PDE4B: variants seen among roughly 807,000 people sequenced by gnomAD.
The protein encoded by PDE4B is phosphodiesterase 4B.
A neutral mutation model predicts 82.2 loss-of-function variants in PDE4B; 20 were observed. The ratio of observed to expected loss-of-function variants is 0.24; its 90% CI spans 0.17 to 0.35. The LOEUF is 0.35. Among genes scored for constraint, PDE4B ranks in the 10% least tolerant of loss-of-function variants. The pLI, the probability that PDE4B is intolerant of heterozygous loss-of-function variation, is 1.00. For synonymous variants in PDE4B, 320 were observed against 318.9 expected, an observed-to-expected ratio of 1.00 and a Z score of -0.04; for missense variants, 655 against 907.2, an observed-to-expected ratio of 0.72 and a Z score of 3.57.
chr1:66,045,584 C>G (rs1398937108), intron 3 of PDE4B, among the ~76,000 whole-genome samples: 3 of 151,630 alleles, frequency 2.0e-5, no homozygotes, highest in Non-Finnish European at 4.4e-5. Flanking sequence ...GATGAAGTGT[C>G]TATTATATGG....
At chr1:66,245,233 G>A (rs530089472) in intron 3 of PDE4B, among the ~76,000 whole-genome samples, 1 of 152,100 alleles carries the variant, frequency 6.6e-6, no homozygotes, top group Non-Finnish European at 1.5e-5. Flanking sequence ...GGAGGGCCTG[G>A]GGCAGTGGAT....
chr1:65,793,413 C>G (rs2101139995), intron 1 of PDE4B, among the ~76,000 whole-genome samples, 165 bp downstream of exon 1: 1 of 152,328 alleles, frequency 6.6e-6, no homozygotes, highest in South Asian at 2.1e-4. Flanking sequence ...TCATTGTCGC[C>G]CCTTGTAGGA....
intron 3 of PDE4B, chr1:65,993,240 C>A: frequency 1.1e-6 from 1 of 879,088 alleles, no homozygotes; most frequent in Non-Finnish European, 1.7e-6. Flanking sequence ...GAGTTTTGTT[C>A]CTAAAACATA....
At chr1:66,001,579 A>G (rs976783642) in intron 3 of PDE4B, among the ~76,000 whole-genome samples, 1 of 152,112 alleles carries the variant, frequency 6.6e-6, no homozygotes, top group Non-Finnish European at 1.5e-5. Context: ...TTGGATTTCC[A>G]GTCTTTTGGC....
At chr1:65,851,891 G>T (rs1032724698) in intron 1 of PDE4B, among the ~76,000 whole-genome samples, 1 of 151,960 alleles carries the variant, frequency 6.6e-6, no homozygotes, top group African/African-American at 2.4e-5. Flanking sequence ...TGTTAGAAGA[G>T]TTTTTGATAG....
At chr1:66,199,602 C>T (rs567792533) in intron 3 of PDE4B, among the ~76,000 whole-genome samples, 30 of 152,116 alleles carry the variant, frequency 2.0e-4, no homozygotes, top group African/African-American at 6.0e-4. Context: ...CATTTTGACA[C>T]GATCCCTTTT....
At chr1:65,999,838 T>C (rs1330684801) in intron 3 of PDE4B, among the ~76,000 whole-genome samples, 1 of 152,182 alleles carries the variant, frequency 6.6e-6, no homozygotes, top group Non-Finnish European at 1.5e-5. Flanking sequence ...CTGCTCTTTA[T>C]TCTATGAGCA....
At chr1:66,287,017 C>T (rs1656724666) in intron 7 of PDE4B, among the ~76,000 whole-genome samples, 1 of 152,080 alleles carries the variant, frequency 6.6e-6, no homozygotes, top group Admixed American at 6.6e-5. Flanking sequence ...TTCAAAATGC[C>T]ATTATTAGAC....
At chr1:66,029,068 A>C (rs997041664) in intron 3 of PDE4B, among the ~76,000 whole-genome samples, 3 of 152,206 alleles carry the variant, frequency 2.0e-5, no homozygotes, top group African/African-American at 7.2e-5. Flanking sequence ...CTGCTTATAA[A>C]GACATAACCA....
chr1:65,821,282 C>G (rs1311512965), intron 1 of PDE4B, among the ~76,000 whole-genome samples: 1 of 152,216 alleles, frequency 6.6e-6, no homozygotes. Flanking sequence ...ATTGCCATAG[C>G]AACAGTTATC....
At chr1:66,017,612 A>C (rs932872003) in intron 3 of PDE4B, among the ~76,000 whole-genome samples, 1 of 152,156 alleles carries the variant, frequency 6.6e-6, no homozygotes, top group Non-Finnish European at 1.5e-5. Flanking sequence ...TGTTTCCCAC[A>C]TGTCTACAGA....
At chr1:66,054,968 AGTG>A (rs1655222294) in intron 3 of PDE4B, among the ~76,000 whole-genome samples, 1 of 152,198 alleles carries the variant, frequency 6.6e-6, no homozygotes, top group Non-Finnish European at 1.5e-5. Flanking sequence ...AGTGTAAACT[AGTG>A]TTGTCATGGA....
chr1:66,221,080 C>CT (rs111863941), intron 3 of PDE4B, among the ~76,000 whole-genome samples: 3 of 152,058 alleles, frequency 2.0e-5, no homozygotes, highest in African/African-American at 7.2e-5. Flanking sequence ...TTGGGAGCAC[C>CT]TACAATCATT....
chr1:66,229,211 G>A (rs888534893), intron 3 of PDE4B, among the ~76,000 whole-genome samples: 27 of 151,454 alleles, frequency 1.8e-4, no homozygotes, highest in African/African-American at 5.3e-4. Context: ...GGGTTTCACC[G>A]TGTTAGCCAG....
intron 3 of PDE4B, among the ~76,000 whole-genome samples, chr1:66,043,087 A>G (rs1467210201): frequency 6.6e-6 from 1 of 151,720 alleles, no homozygotes; most frequent in Non-Finnish European, 1.5e-5. Flanking sequence ...TTAAGGAAAA[A>G]GGGGACAGAT....
intron 1 of PDE4B, among the ~76,000 whole-genome samples, chr1:65,876,228 C>T (rs1646641969): frequency 6.6e-6 from 1 of 151,988 alleles, no homozygotes; most frequent in Admixed American, 6.6e-5. Flanking sequence ...CCAATAGATT[C>T]ACGGTATGCT....
intron 3 of PDE4B, among the ~76,000 whole-genome samples, chr1:66,121,316 A>G (rs1314028425): frequency 6.6e-6 from 1 of 152,162 alleles, no homozygotes; most frequent in Non-Finnish European, 1.5e-5. Context: ...AAATGGTAGA[A>G]TTTGCTCCAA....
intron 3 of PDE4B, chr1:66,152,477 C>G (rs1646416112): frequency 3.2e-6 from 1 of 310,646 alleles, no homozygotes; most frequent in South Asian, 2.8e-5. Context: ...TACTTTTTAA[C>G]ACAGCATTGG....
chr1:66,078,949 C>G (rs1266570590), intron 3 of PDE4B, among the ~76,000 whole-genome samples: 7 of 152,080 alleles, frequency 4.6e-5, no homozygotes, highest in Admixed American at 4.6e-4. Flanking sequence ...CTAACCCCCA[C>G]AATCCACTCA....
Sources: gnomAD v4.1 joint callset for allele counts (sites outside exome capture counted in the v4.1 genomes callset) on GRCh38, gnomAD v4.1.1 for gene constraint, MANE v1.5 for transcripts, NCBI Gene and HGNC (gene_info 2026-07-23, HGNC 2026-07-21) for gene names.